Variants in SIK2 observed in about 807,000 individuals in gnomAD.
SIK2 encodes the protein serine/threonine-protein kinase SIK2.
SIK2 carries 29 observed loss-of-function variants against 103.2 expected under a neutral mutation model. The ratio of observed to expected loss-of-function variants is 0.28; its 90% CI spans 0.21 to 0.38. SIK2 has a LOEUF of 0.38. SIK2 is among the 10% of genes least tolerant of loss of function. The pLI is 1.00. For synonymous variants in SIK2, 412 were observed against 446.1 expected (o/e 0.92, Z 0.96); for missense variants, 879 against 1,171.0 (o/e 0.75, Z 3.64).
At chr11:111,693,083 C>G (rs2135904507) in intron 4 of SIK2, among the ~76,000 whole-genome samples, 2 of 152,212 alleles carry the variant, frequency 1.3e-5, no homozygotes, top group Middle Eastern at 6.8e-3. Flanking sequence ...CCTGTAATCC[C>G]AGCACTTTGA....
At chr11:111,723,352 ATTGGTT>A in intron 14 of SIK2, 138 bp from the exon 15 acceptor site, 1 of 834,206 alleles carries the variant, frequency 1.2e-6, no homozygotes, top group South Asian at 1.8e-5. Flanking sequence ...ACCCAACACA[ATTGGTT>A]CCCATTCCCA....
At chr11:111,674,057 G>A (rs1423509281) in intron 3 of SIK2, among the ~76,000 whole-genome samples, 1 of 136,616 alleles carries the variant, frequency 7.3e-6, no homozygotes, top group Non-Finnish European at 1.5e-5. Flanking sequence ...CTGGGCGACA[G>A]AGCAAGACTC....
In SIK2 at chr11:111,723,939, C is replaced by G. The variant is rs1565400061; in HGVS notation, c.2591C>G (p.Pro864Arg). Residue 864 changes from proline (P) to arginine (R), a missense_variant, in exon 15 of 15, where the codon CCC (proline) becomes CGC (arginine). Pro to Arg is a moderately radical substitution (Grantham distance 103). Around this residue, in one of 7 missense-constraint regions of SIK2, gnomAD observed 375 missense variants for 416.3 expected, o/e 0.90. Transcript: ENST00000304987. ...AASPAPDYPT[P>R]CQYPVDGAQQ... ...TCCCCTGCGCCAGACTATCCCACTC[C>G]CTGTCAGTATCCTGTGGATGGAGCC... 4.3e-6 allele frequency: 7 copies of G among 1,614,136 alleles called. No homozygotes were observed. In the Admixed American group the frequency reaches 1.2e-4, roughly 27 times the overall value.
intron 3 of SIK2, among the ~76,000 whole-genome samples, chr11:111,645,524 A>G (rs1242011833): frequency 6.6e-6 from 1 of 152,204 alleles, no homozygotes; most frequent in Non-Finnish European, 1.5e-5. Context: ...AATTACTTTT[A>G]AAAAACAAAA....
At chr11:111,629,939 C>G (rs1942015534) in intron 3 of SIK2, among the ~76,000 whole-genome samples, 1 of 152,122 alleles carries the variant, frequency 6.6e-6, no homozygotes, top group East Asian at 1.9e-4. Context: ...GCATATACCC[C>G]ATCACGCAAC....
In SIK2 at chr11:111,700,762, A is replaced by G. The variant is rs558945743; in HGVS notation, c.479-124A>G. 1,699 of 1,170,154 alleles carry G rather than the reference A, an allele frequency of 1.5e-3. 36 individuals carry two copies. In the South Asian group the frequency reaches 0.025, roughly 17 times the overall value. The allele number at this position is 1,170,154 out of a possible 1,614,324, so 72.5% of individuals were successfully genotyped here. ...GGGAAACATCACAAGATAAGATGCC[A>G]TCCCAGTCCTCACAGTAAATAGTAG... On this transcript the variant is annotated intron_variant, in intron 4 of 14. Coordinates refer to ENST00000304987, the MANE Select transcript of SIK2 (RefSeq NM_015191.3).
intron 3 of SIK2, among the ~76,000 whole-genome samples, chr11:111,681,137 T>A (rs957124977): frequency 6.6e-6 from 1 of 152,240 alleles, no homozygotes; most frequent in Non-Finnish European, 1.5e-5. Context: ...ATTTGGAGAT[T>A]ATTCTTACAA....
rs922648585 is a variant in SIK2, at chr11:111,700,965, A to G, written c.558A>G (p.Glu186=). ...GCAGCCCCCCTTATGCAGCCCCAGAAGTCTTTGAAGGGCAGCAGTATGAAG... is the reference window on the plus strand; with the variant it reads ...GCAGCCCCCCTTATGCAGCCCCAGAGGTCTTTGAAGGGCAGCAGTATGAAG... ...WCGSPPYAAP[E]VFEGQQYEGP... Residue 186 remains glutamate, a synonymous_variant, in exon 5 of 15, where the codon GAA becomes GAG. Coordinates refer to ENST00000304987, the MANE Select transcript of SIK2 (RefSeq NM_015191.3). 6.8e-6 allele frequency: 11 copies of G among 1,613,954 alleles called. No individual in the cohort carries two copies. In the East Asian group the frequency reaches 2.2e-4, roughly 33 times the overall value.
In SIK2 at chr11:111,719,785, G is replaced by A. The variant is rs775655020; in HGVS notation, c.1277G>A (p.Cys426Tyr). ...ECVDTPKVNG[C>Y]LLDPVPPVLV... is the part of the protein sequence containing the mutation. ...TCCCCTGGCGTTTAGGTCAATGGCT[G>A]TCTGCTTGACCCTGTGCCTCCTGTC... The change falls in exon 10 of 15, where the codon TGT becomes TAT. Residue 426 changes from cysteine (C) to tyrosine (Y), a missense_variant. By Grantham distance (194) the Cys-to-Tyr change is radical. Transcript: ENST00000304987. 1 of 1,613,260 alleles carries A rather than the reference G, an allele frequency of 6.2e-7. No homozygotes were observed.
rs762705257 is a variant in SIK2 at position 111,616,304 on chromosome 11, G to A, written c.197G>A (p.Arg66Gln). 7 of 1,613,444 alleles carry A rather than the reference G, an allele frequency of 4.3e-6. No individual in the cohort carries two copies. Among genetic ancestry groups the A allele is most frequent in the African/African-American group, 1.3e-5 (1 of 74,832 alleles). The stretch of plus-strand genomic sequence containing the variant: ...GCAGTGAACCTTGAGAAAATCTACC[G>A]AGAAGTACAAATAATGAAAATGTTA... Reference protein sequence around the residue: ...LDAVNLEKIYREVQIMKMLDH... With the variant: ...LDAVNLEKIYQEVQIMKMLDH... Residue 66 changes from arginine to glutamine, a missense_variant, in exon 2 of 15, where the codon CGA (arginine) becomes CAA (glutamine). Physicochemically the swap from Arg to Gln is conservative, Grantham distance 43. Transcript: ENST00000304987.
intron 3 of SIK2, among the ~76,000 whole-genome samples, chr11:111,682,815 G>A (rs1942793911): frequency 6.6e-6 from 1 of 152,108 alleles, no homozygotes; most frequent in African/African-American, 2.4e-5. Context: ...ACAGTGTATT[G>A]TAATTGCCTG....
At chr11:111,666,947 ATTTATTTATTT>A (rs1942552335) in intron 3 of SIK2, among the ~76,000 whole-genome samples, 2 of 8,904 alleles carry the variant, frequency 2.2e-4, no homozygotes, top group South Asian at 0.5. Context: ...ATTTTATTTT[ATTTATTTATTT>A]ATTTATTTAT....
Position 111,723,614 on chromosome 11 carries a change from C to A in SIK2, c.2266C>A (p.Gln756Lys). 1.2e-6 allele frequency: 2 copies of A among 1,614,166 alleles called. No individual in the cohort carries two copies. The highest frequency in any genetic ancestry group is 1.7e-6 in the Non-Finnish European group (2 of 1,180,030). ...QPSQQLPLPR[Q>K]ETPPPSQQAP... is the part of the protein sequence containing the mutation. ...AAGTCAGCAGCTGCCCCTTCCCCGC[C>A]AGGAGACTCCACCGCCTTCTCAGCA... Residue 756 changes from glutamine (Q) to lysine (K), a missense_variant, in exon 15 of 15, where the codon CAG becomes AAG. Coordinates refer to ENST00000304987, the MANE Select transcript of SIK2 (RefSeq NM_015191.3).
At chr11:111,620,768 A>G (rs1414150035) in intron 3 of SIK2, among the ~76,000 whole-genome samples, 1 of 152,162 alleles carries the variant, frequency 6.6e-6, no homozygotes, top group East Asian at 1.9e-4. Flanking sequence ...GCATTGTACT[A>G]GGTAATGGGG....
intron 9 of SIK2, among the ~76,000 whole-genome samples, 181 bp downstream of exon 9, chr11:111,712,556 A>C (rs1943530246): frequency 6.6e-6 from 1 of 152,192 alleles, no homozygotes; most frequent in Non-Finnish European, 1.5e-5. Context: ...AGTGTTTATC[A>C]TTATGACCAG....
chr11:111,712,377 T>C lies in SIK2; in HGVS notation c.1266+2T>C. 6.2e-7 allele frequency: 1 copy of C among 1,612,478 alleles called. No homozygotes were observed. Among genetic ancestry groups the C allele is most frequent in the Non-Finnish European group, 8.5e-7 (1 of 1,178,998 alleles). ...GAAGAGTGTGTGGACACTCCAAAGG[T>C]ACGGCTATGTTTGAGAGTCTCAGAA... is the stretch of plus-strand genomic sequence containing the variant. On this transcript the variant is annotated splice_donor_variant, in intron 9 of 14. Coordinates refer to ENST00000304987, the MANE Select transcript of SIK2 (RefSeq NM_015191.3). LOFTEE classifies it high-confidence loss of function.
chr11:111,704,481 T>C (rs1351824377), intron 7 of SIK2, among the ~76,000 whole-genome samples: 2 of 152,224 alleles, frequency 1.3e-5, no homozygotes, highest in African/African-American at 2.4e-5. Context: ...GGAGACATAG[T>C]GTCTCTCAAT....
intron 1 of SIK2, among the ~76,000 whole-genome samples, chr11:111,605,532 C>T (rs897603551): frequency 2.6e-5 from 4 of 152,012 alleles, no homozygotes; most frequent in African/African-American, 9.7e-5. Context: ...TACTTATTGA[C>T]GATAAAAGTT....
intron 3 of SIK2, among the ~76,000 whole-genome samples, chr11:111,687,407 C>T (rs1591615759): frequency 6.7e-6 from 1 of 150,142 alleles, no homozygotes; most frequent in South Asian, 2.1e-4. Flanking sequence ...CCCAGCTACT[C>T]GGGAGGCTGA....
Sources: allele counts gnomAD v4.1 joint callset (sites outside exome capture counted in the v4.1 genomes callset), GRCh38; gene constraint gnomAD v4.1.1; regional missense constraint gnomAD v4.1.1; transcripts MANE v1.5; gene names NCBI Gene and HGNC (gene_info 2026-07-23, HGNC 2026-07-21).